The following TMEM272 variants were observed in gnomAD, a reference collection of about 807,000 sequenced individuals.
The protein encoded by TMEM272 is long intergenic non-protein coding RNA 282.
A neutral mutation model predicts 3.7 loss-of-function variants in TMEM272; 8 were observed. That is an observed-to-expected ratio of 2.17 (90% CI 1.27 to 3.91). TMEM272 has a LOEUF of 3.91. Among genes scored for constraint, TMEM272 ranks in the 30% most tolerant of loss-of-function variants. TMEM272 has a pLI of 0.00. For synonymous variants in TMEM272, 63 were observed against 39.8 expected (o/e 1.58, Z -2.20); for missense variants, 166 against 91.5 (o/e 1.81, Z -3.32).
intron 2 of TMEM272, among the ~76,000 whole-genome samples, chr13:51,833,628 G>A (rs1213700835): frequency 6.6e-6 from 1 of 152,180 alleles, no homozygotes; most frequent in African/African-American, 2.4e-5. Context: ...GGGACAGAAA[G>A]AGGAGGGGCT....
At chr13:51,847,660 A>G (rs1301620480), upstream of TMEM272, among the ~76,000 whole-genome samples, 1 of 152,206 alleles carries the variant, frequency 6.6e-6, no homozygotes, top group African/African-American at 2.4e-5. Context: ...AGTGAGTGGA[A>G]GCAGAGTGAC....
the TMEM272 span, among the ~76,000 whole-genome samples, chr13:51,869,085 C>T: frequency 6.6e-5 from 10 of 152,210 alleles, no homozygotes; most frequent in Non-Finnish European, 1.3e-4. Context: ...TCCACCTTGC[C>T]ATCCCTAGAC....
At chr13:51,879,730 C>T in the TMEM272 span, among the ~76,000 whole-genome samples, 11 of 152,304 alleles carry the variant, frequency 7.2e-5, no homozygotes, top group African/African-American at 2.2e-4. Flanking sequence ...AAGCATACAA[C>T]GGTGACTTGC....
the TMEM272 span, among the ~76,000 whole-genome samples, chr13:51,925,046 C>G: frequency 4.6e-5 from 7 of 152,326 alleles, no homozygotes; most frequent in East Asian, 1.2e-3. Context: ...CCCTTGACAC[C>G]TCTTCCTCTG....
the TMEM272 span, among the ~76,000 whole-genome samples, chr13:51,918,767 G>T: frequency 6.6e-6 from 1 of 151,184 alleles, no homozygotes; most frequent in African/African-American, 2.4e-5. Flanking sequence ...TGGGACCACA[G>T]GGACACGTCA....
At chr13:51,867,079 C>A in the TMEM272 span, among the ~76,000 whole-genome samples, 1 of 152,044 alleles carries the variant, frequency 6.6e-6, no homozygotes, top group East Asian at 1.9e-4. Flanking sequence ...GAGTAAGAAA[C>A]GCCACGACAA....
At chr13:51,867,290 C>A in the TMEM272 span, among the ~76,000 whole-genome samples, 1 of 152,136 alleles carries the variant, frequency 6.6e-6, no homozygotes, top group African/African-American at 2.4e-5. Flanking sequence ...CCTAAAGAAG[C>A]AATGTGAGTG....
At chr13:51,930,948 T>A in the TMEM272 span, among the ~76,000 whole-genome samples, 620 of 152,280 alleles carry the variant, frequency 4.1e-3, 1 homozygote, top group Middle Eastern at 0.017. Flanking sequence ...CATGTCAATT[T>A]CCAGATGTCA....
intron 1 of TMEM272, among the ~76,000 whole-genome samples, chr13:51,840,193 A>G (rs1956249777): frequency 6.6e-6 from 1 of 152,010 alleles, no homozygotes; most frequent in Non-Finnish European, 1.5e-5. Flanking sequence ...TGTGCCTTCA[A>G]AGCCCACAAT....
the TMEM272 span, among the ~76,000 whole-genome samples, chr13:51,889,898 C>T: frequency 2.6e-5 from 4 of 152,196 alleles, no homozygotes; most frequent in Admixed American, 2.0e-4. Context: ...ACCTCGGCCC[C>T]CCAAAGTGCT....
At chr13:51,886,265 C>T in the TMEM272 span, among the ~76,000 whole-genome samples, 4 of 152,178 alleles carry the variant, frequency 2.6e-5, no homozygotes, top group Non-Finnish European at 5.9e-5. Flanking sequence ...GATTAAAAAG[C>T]CAGCAGGTGG....
the TMEM272 span, among the ~76,000 whole-genome samples, chr13:51,889,827 G>C: frequency 6.6e-6 from 1 of 152,166 alleles, no homozygotes; most frequent in Non-Finnish European, 1.5e-5. Flanking sequence ...TTTTAGTAGA[G>C]ACAAGGTTTC....
chr13:51,866,318 T>C, the TMEM272 span: 1 of 439,732 alleles, frequency 2.3e-6, no homozygotes, highest in Non-Finnish European at 4.1e-6. Flanking sequence ...CAGAGATCGG[T>C]CCCAGGCAGC....
chr13:51,914,237 G>C, the TMEM272 span, among the ~76,000 whole-genome samples: 1 of 152,180 alleles, frequency 6.6e-6, no homozygotes, highest in Non-Finnish European at 1.5e-5. Context: ...GAGTTGGATC[G>C]TGTAACTTGT....
the TMEM272 span, among the ~76,000 whole-genome samples, chr13:51,886,147 G>T: frequency 1.2e-4 from 18 of 152,162 alleles, no homozygotes; most frequent in Admixed American, 1.1e-3. Flanking sequence ...GTTTGGGAAG[G>T]TGGTGTAGAG....
At chr13:51,849,296 A>G (rs1238058666), upstream of TMEM272, among the ~76,000 whole-genome samples, 2 of 152,214 alleles carry the variant, frequency 1.3e-5, no homozygotes, top group Admixed American at 6.5e-5. Flanking sequence ...CACACAGAAT[A>G]GTCATAGACA....
At chr13:51,925,021 C>T in the TMEM272 span, among the ~76,000 whole-genome samples, 3 of 152,174 alleles carry the variant, frequency 2.0e-5, no homozygotes, top group Non-Finnish European at 2.9e-5. Context: ...AGCCAGCACA[C>T]GTAAGCACCT....
the TMEM272 span, among the ~76,000 whole-genome samples, chr13:51,914,455 C>G: frequency 2.0e-5 from 3 of 152,248 alleles, no homozygotes; most frequent in African/African-American, 7.2e-5. Flanking sequence ...TTGAGACTGA[C>G]TGCAGCATCT....
At chr13:51,922,426 T>A in the TMEM272 span, among the ~76,000 whole-genome samples, 8 of 152,298 alleles carry the variant, frequency 5.3e-5, no homozygotes, top group South Asian at 2.1e-4. Context: ...GGTAATTTTT[T>A]AAATTATTTT....
Sources: gnomAD v4.1 joint callset for allele counts (sites outside exome capture counted in the v4.1 genomes callset) on GRCh38, gnomAD v4.1.1 for gene constraint, MANE v1.5 for transcripts, NCBI Gene and HGNC (gene_info 2026-07-23, HGNC 2026-07-21) for gene names.